Variants in ZNF184 observed in about 807,000 individuals in gnomAD.
The protein encoded by ZNF184 is zinc finger protein 184.
ZNF184 carries 16 observed loss-of-function variants against 54.4 expected under a neutral mutation model. The observed-to-expected ratio is 0.29, with a 90% CI of 0.20 to 0.45. ZNF184 has a LOEUF of 0.45. Among genes scored for constraint, ZNF184 ranks in the 20% least tolerant of loss-of-function variants. The pLI is 1.00. For synonymous variants in ZNF184, 254 were observed against 295.3 expected (o/e 0.86, Z 1.43); for missense variants, 681 against 888.2 (o/e 0.77, Z 2.97).
chr6:27,451,105 T>C lies in ZNF184; in HGVS notation c.*198A>G, dbSNP rs1405983735. On this transcript the variant is annotated 3_prime_UTR_variant, in exon 6 of 6. Coordinates refer to ENST00000683788, the MANE Select transcript of ZNF184 (RefSeq NM_001318891.2). ...TAAAGGAAACTAAAGCTTAAAACAGTAGAGTTTTCTAATGTCACAGAGTGG... is the reference window on the plus strand; with the variant it reads ...TAAAGGAAACTAAAGCTTAAAACAGCAGAGTTTTCTAATGTCACAGAGTGG... 3.8e-6 allele frequency: 2 copies of C among 520,410 alleles called. No individual in the cohort carries two copies. Among genetic ancestry groups the C allele is most frequent in the African/African-American group, 2.0e-5 (1 of 50,872 alleles). The allele number at this position is 520,410 out of a possible 1,614,324, so 32.2% of individuals were successfully genotyped here. A position where few individuals can be genotyped will look rare whatever the true frequency, so the allele number is the denominator to read the frequency against.
intron 5 of ZNF184, among the ~76,000 whole-genome samples, chr6:27,455,237 A>G: frequency 6.6e-6 from 1 of 152,246 alleles, no homozygotes; most frequent in East Asian, 1.9e-4. Context: ...TTCCAGCAAT[A>G]AAAAGTAACC....
Position 27,452,088 on chromosome 6 carries a change from G to C in ZNF184, c.1471C>G (p.Gln491Glu). The C allele has an allele frequency of 6.2e-7, 1 of 1,614,002 alleles. No individual in the cohort carries two copies. The highest frequency in any genetic ancestry group is 8.5e-7 in the Non-Finnish European group (1 of 1,179,994). The change falls in exon 6 of 6, where the codon CAA becomes GAA. Residue 491 changes from glutamine to glutamate, a missense_variant. Transcript: ENST00000683788. This position sits in a 1 kb window ranked among gnomAD's most constrained non-coding sequence, Gnocchi z 5.5. ...KAFSYCSSLT[Q>E]HRRIHTREKP... is the part of the protein sequence containing the mutation. ...TCTCTCGTGTGAATTCTCCGATGTTGAGTAAGGGATGAGCAGTAACTGAAG... is the reference window on the plus strand; with the variant it reads ...TCTCTCGTGTGAATTCTCCGATGTTCAGTAAGGGATGAGCAGTAACTGAAG...
intron 3 of ZNF184, among the ~76,000 whole-genome samples, chr6:27,466,358 GC>G (rs1763137728): frequency 6.6e-6 from 1 of 152,034 alleles, no homozygotes; most frequent in Non-Finnish European, 1.5e-5. Flanking sequence ...GTTATTTTAC[GC>G]CATCTAAGCT....
chr6:27,438,969 T>C, the ZNF184 span, among the ~76,000 whole-genome samples: 1 of 152,192 alleles, frequency 6.6e-6, no homozygotes, highest in Non-Finnish European at 1.5e-5. Flanking sequence ...GCACATTCGC[T>C]TTAATTTTTT....
the ZNF184 span, among the ~76,000 whole-genome samples, chr6:27,443,651 C>A: frequency 2.6e-5 from 4 of 152,224 alleles, no homozygotes; most frequent in African/African-American, 9.6e-5. Flanking sequence ...ATTCCACTTC[C>A]AAACTACCAG....
chr6:27,413,052 CATGGAGAAACCCTGTCTCTACT>C, the ZNF184 span, among the ~76,000 whole-genome samples: 5,395 of 152,018 alleles, frequency 0.035, 198 homozygotes, highest in African/African-American at 0.094. Context: ...TCCTGACCAA[CATGGAGAAACCCTGTCTCTACT>C]ATGGAGAAAC....
the ZNF184 span, among the ~76,000 whole-genome samples, chr6:27,440,774 C>A: frequency 1.3e-5 from 2 of 151,962 alleles, no homozygotes; most frequent in Admixed American, 6.6e-5. Flanking sequence ...GAGGCCGAGG[C>A]GGGCGGATCA....
the ZNF184 span, among the ~76,000 whole-genome samples, chr6:27,409,525 A>G: frequency 1.3e-5 from 2 of 150,336 alleles, no homozygotes; most frequent in Non-Finnish European, 1.5e-5. Flanking sequence ...AAAAAAACAC[A>G]AAACAAACGA....
At chr6:27,462,987 CAA>C in intron 3 of ZNF184, among the ~76,000 whole-genome samples, 1 of 148,896 alleles carries the variant, frequency 6.7e-6, no homozygotes, top group Admixed American at 6.7e-5. Flanking sequence ...ACAAGAACAT[CAA>C]AAGTTTTTAT....
Position 27,452,318 on chromosome 6 carries a change from C to T in ZNF184, c.1241G>A (p.Gly414Asp). Residue 414 changes from glycine to aspartate, a missense_variant, in exon 6 of 6, where the codon GGT becomes GAT. Coordinates refer to ENST00000683788, the MANE Select transcript of ZNF184 (RefSeq NM_001318891.2). The surrounding 1 kb of genome is among the most constrained non-coding windows in gnomAD (Gnocchi z 5.5). ...TFIRHHMIHT[G>D]EKPYECNECG... ...TTCATTGCATTCGTACGGTTTTTCA[C>T]CAGTATGAATCATATGATGACGGAT... 1.2e-6 allele frequency: 2 copies of T among 1,613,878 alleles called. No individual in the cohort carries two copies. The highest frequency in any genetic ancestry group is 1.1e-5 in the South Asian group (1 of 91,064).
At chr6:27,408,987 G>T in the ZNF184 span, among the ~76,000 whole-genome samples, 1 of 152,108 alleles carries the variant, frequency 6.6e-6, no homozygotes, top group East Asian at 1.9e-4. Context: ...TGAATACATG[G>T]ATTCTTTTCA....
At chr6:27,406,773 A>G in the ZNF184 span, 3 of 152,314 alleles carry the variant, frequency 2.0e-5, no homozygotes, top group Non-Finnish European at 2.9e-5. Flanking sequence ...TTGGGGCCCA[A>G]CAGCTGCTCA....
At chr6:27,422,727 A>G in the ZNF184 span, among the ~76,000 whole-genome samples, 2 of 152,138 alleles carry the variant, frequency 1.3e-5, no homozygotes, top group African/African-American at 4.8e-5. Flanking sequence ...AATCAGCACT[A>G]TGAACGCCAT....
chr6:27,423,666 A>G, the ZNF184 span, among the ~76,000 whole-genome samples: 1 of 151,784 alleles, frequency 6.6e-6, no homozygotes, highest in African/African-American at 2.4e-5. Flanking sequence ...CACCGCTCAG[A>G]TCATCCCTGG....
intron 4 of ZNF184, among the ~76,000 whole-genome samples, 158 bp from the exon 5 acceptor site, chr6:27,457,079 G>C (rs749972788): frequency 6.6e-6 from 1 of 152,086 alleles, no homozygotes; most frequent in Non-Finnish European, 1.5e-5. Context: ...TCCCAGACAT[G>C]GTGGGAGTAT....
intron 3 of ZNF184, 96 bp from the exon 4 acceptor site, chr6:27,457,505 T>C (rs768334130): frequency 9.7e-6 from 13 of 1,336,252 alleles, no homozygotes; most frequent in Non-Finnish European, 1.3e-5. Flanking sequence ...GTCTATAGGA[T>C]GTCTGCAAAA....
chr6:27,460,756 T>A lies in ZNF184; in HGVS notation c.76-3347A>T, dbSNP rs151225301. ...AAGTTACCAACATGACATAACTGAA[T>A]AGAGTTGAGAAGTTATGTGCACAGT... On this transcript the variant is annotated intron_variant, in intron 3 of 5. Coordinates refer to ENST00000683788, the MANE Select transcript of ZNF184 (RefSeq NM_001318891.2). 1.2e-4 allele frequency among the ~76,000 whole-genome samples: 19 copies of A among 152,276 alleles called. No homozygotes were observed. The East Asian group carries it at 3.1e-3, about 25-fold the overall frequency.
In ZNF184 at chr6:27,451,843, G is replaced by A. The variant is rs765771613; in HGVS notation, c.1716C>T (p.Ser572=). 6 of 1,612,910 alleles carry A rather than the reference G, an allele frequency of 3.7e-6. No homozygotes were observed. Residue 572 remains serine, a synonymous_variant, in exon 6 of 6, where the codon TCC becomes TCT. Coordinates refer to ENST00000683788, the MANE Select transcript of ZNF184 (RefSeq NM_001318891.2). ...TATGGATCTTCCTATGCTGAATAAG[G>A]GATGAACCATAACTGAAGGTTTTCC... The part of the protein sequence containing the change: ...ECGKTFSYGS[S]LIQHRKIHTG...
chr6:27,456,030 G>T (rs547271556), intron 5 of ZNF184, among the ~76,000 whole-genome samples: 1 of 152,216 alleles, frequency 6.6e-6, no homozygotes, highest in East Asian at 1.9e-4. Context: ...CGCTGAGGCG[G>T]GTAGATCACT....
Sources: allele counts gnomAD v4.1 joint callset (sites outside exome capture counted in the v4.1 genomes callset), GRCh38; gene constraint gnomAD v4.1.1; non-coding constraint Gnocchi (gnomAD v3.1); transcripts MANE v1.5; gene names NCBI Gene and HGNC (gene_info 2026-07-23, HGNC 2026-07-21).